Variants in COPS9 observed in about 807,000 individuals in gnomAD.
The protein encoded by COPS9 is COP9 signalosome subunit 9, also known as COP9 signalosome complex subunit 9.
In COPS9, 8 loss-of-function variants were observed where a neutral mutation model predicts 7.2. That is an observed-to-expected ratio of 1.11 (90% CI 0.65 to 2.00). The LOEUF is 2.00. COPS9 is among the 30% of genes most tolerant of loss of function. The pLI is 0.00. For missense variants in COPS9, 74 were observed against 77.7 expected, an observed-to-expected ratio of 0.95 and a Z score of 0.18; for synonymous variants, 39 against 28.7, an observed-to-expected ratio of 1.36 and a Z score of -1.14.
intron 2 of COPS9, among the ~76,000 whole-genome samples, chr2:240,131,970 C>A (rs1273110991): frequency 5.9e-5 from 9 of 152,288 alleles, no homozygotes; most frequent in African/African-American, 2.2e-4. Flanking sequence ...TGCAGAGGGT[C>A]CCGACGCTCC....
Position 240,136,294 on chromosome 2 carries a change from G to A in COPS9, c.-10C>T, listed in dbSNP as rs539035326. On this transcript the variant is annotated 5_prime_UTR_variant, in exon 1 of 3. Transcript: ENST00000607357. ...CCACCGCCGGCTTCATCTCGGGGCC[G>A]CGGCGCTCTAGGCTCACTTCCGGCC... The A allele has an allele frequency of 1.9e-6, 3 of 1,560,094 alleles. No homozygotes were observed. Among genetic ancestry groups the A allele is most frequent in the South Asian group, 1.2e-5 (1 of 84,332 alleles).
downstream of COPS9, chr2:240,126,605 T>C: frequency 1.2e-6 from 2 of 1,614,230 alleles, no homozygotes; most frequent in African/African-American, 1.3e-5. Flanking sequence ...TCTTCCCTTC[T>C]TCTCCACCAG....
In COPS9 at chr2:240,131,084, A is replaced by G. The variant is rs774994682; in HGVS notation, c.141T>C (p.Phe47=). Residue 47 remains phenylalanine, a synonymous_variant, in exon 3 of 3, where the codon TTT becomes TTC. Transcript: ENST00000607357. The part of the protein sequence containing the change: ...KAVHADFFND[F]EDLFDDDDIQ ...TGTCATCATCATCAAAAAGATCTTC[A>G]AAATCTAGGGAAATAAGCAAAACCA... 4 of 1,612,748 alleles carry G rather than the reference A, an allele frequency of 2.5e-6. No individual in the cohort carries two copies. The highest frequency in any genetic ancestry group is 4.5e-5 in the East Asian group (2 of 44,878).
intron 1 of COPS9, 39 bp from the exon 2 acceptor site, chr2:240,134,044 T>C: frequency 6.2e-7 from 1 of 1,606,450 alleles, no homozygotes; most frequent in African/African-American, 1.3e-5. Context: ...AGGTGCGTTT[T>C]CCGAAAGAAC....
intron 1 of COPS9, among the ~76,000 whole-genome samples, chr2:240,134,457 C>T (rs12620441): frequency 6.6e-6 from 1 of 152,142 alleles, no homozygotes; most frequent in East Asian, 1.9e-4. Context: ...TCTGGTGCCC[C>T]GCTGCTATCA....
At chr2:240,134,248 A>G in intron 1 of COPS9, 2 of 500,744 alleles carry the variant, frequency 4.0e-6, no homozygotes, top group South Asian at 2.7e-5. Context: ...CTGCCTTTAA[A>G]AAAGAAACCT....
downstream of COPS9, among the ~76,000 whole-genome samples, chr2:240,129,293 G>A (rs1204531203): frequency 6.6e-6 from 1 of 152,178 alleles, no homozygotes; most frequent in Admixed American, 6.5e-5. Flanking sequence ...CTCCCAAACA[G>A]CTAGGACTAT....
chr2:240,128,570 G>C (rs1229492678), downstream of COPS9, among the ~76,000 whole-genome samples: 4 of 152,196 alleles, frequency 2.6e-5, no homozygotes, highest in Non-Finnish European at 5.9e-5. Flanking sequence ...CGGTCCCCCA[G>C]CAGCTTTCTA....
chr2:240,127,455 C>T (rs566163716), downstream of COPS9, among the ~76,000 whole-genome samples: 14 of 152,286 alleles, frequency 9.2e-5, no homozygotes, highest in African/African-American at 3.1e-4. Flanking sequence ...GTGGCACTGC[C>T]CACATCGGGC....
downstream of COPS9, among the ~76,000 whole-genome samples, chr2:240,127,903 C>G (rs1559475668): frequency 6.6e-6 from 1 of 152,192 alleles, no homozygotes; most frequent in East Asian, 1.9e-4. Context: ...TCACTGCCCC[C>G]CAAGTGACAG....
At chr2:240,128,119 G>A (rs779237567), downstream of COPS9, among the ~76,000 whole-genome samples, 2 of 152,222 alleles carry the variant, frequency 1.3e-5, no homozygotes, top group Non-Finnish European at 2.9e-5. Context: ...CGGGCAAAGC[G>A]CACAGCTCGC....
rs139154462 is a variant in COPS9 at position 240,134,860 on chromosome 2, C to A, written c.64-855G>T. ...CCTCCATCTGCCTCATTCACACCCT[C>A]TTCAACTCTCCTGTTCTCCCTGCTC... On this transcript the variant is annotated intron_variant, in intron 1 of 2. Transcript: ENST00000607357. Among the ~76,000 whole-genome samples the A allele has an allele frequency of 3.1e-3, 467 of 152,262 alleles. 9 individuals carry two copies. The highest frequency in any genetic ancestry group is 0.018 in the Admixed American group (269 of 15,300).
chr2:240,130,597 C>T (rs986805663), downstream of COPS9, among the ~76,000 whole-genome samples: 1 of 152,242 alleles, frequency 6.6e-6, no homozygotes, highest in African/African-American at 2.4e-5. Flanking sequence ...AGAGGGGCGG[C>T]CCCGTGGCAA....
chr2:240,127,015 G>T, downstream of COPS9: 1 of 1,542,998 alleles, frequency 6.5e-7, no homozygotes, highest in Non-Finnish European at 8.8e-7. Flanking sequence ...CGAGTGACCT[G>T]GGACAAGTCA....
At chr2:240,130,403 T>C (rs1381166098), downstream of COPS9, among the ~76,000 whole-genome samples, 2 of 152,372 alleles carry the variant, frequency 1.3e-5, no homozygotes, top group Non-Finnish European at 1.5e-5. Context: ...TCTTCCCACA[T>C]GGGCGTTACA....
At chr2:240,128,713 C>T (rs1312227271), downstream of COPS9, among the ~76,000 whole-genome samples, 3 of 152,114 alleles carry the variant, frequency 2.0e-5, no homozygotes, top group Non-Finnish European at 2.9e-5. Flanking sequence ...CGGGAGTGAC[C>T]GTGGCTGGGC....
chr2:240,134,197 T>C (rs933453588), intron 1 of COPS9, 192 bp from the exon 2 acceptor site: 10 of 584,938 alleles, frequency 1.7e-5, no homozygotes, highest in African/African-American at 3.7e-5. Context: ...AAAGGAATGA[T>C]TTTTAAGGTC....
At chr2:240,130,751 T>C (rs982039022), downstream of COPS9, 7 of 1,273,746 alleles carry the variant, frequency 5.5e-6, no homozygotes, top group East Asian at 9.3e-5. Flanking sequence ...CGCACATGCA[T>C]GCACACACAA....
downstream of COPS9, chr2:240,126,782 T>A: frequency 6.2e-7 from 1 of 1,614,220 alleles, no homozygotes; most frequent in Non-Finnish European, 8.5e-7. Context: ...TTCTTAAGCG[T>A]CCTGTGCCCA....
Sources: gnomAD v4.1 joint callset for allele counts (sites outside exome capture counted in the v4.1 genomes callset) on GRCh38, gnomAD v4.1.1 for gene constraint, MANE v1.5 for transcripts, NCBI Gene and HGNC (gene_info 2026-07-23, HGNC 2026-07-21) for gene names.